The following MGAT4C variants were observed in gnomAD, a reference collection of about 807,000 sequenced individuals.
MGAT4C encodes the protein MGAT4 family member C.
MGAT4C carries 19 observed loss-of-function variants against 40.1 expected under a neutral mutation model. The ratio of observed to expected loss-of-function variants is 0.47; its 90% CI spans 0.33 to 0.70. The LOEUF is 0.70. MGAT4C is among the 30% of genes least tolerant of loss of function. The pLI is 0.02. For missense variants in MGAT4C, 491 were observed against 563.2 expected, an observed-to-expected ratio of 0.87 and a Z score of 1.30; for synonymous variants, 181 against 187.1, an observed-to-expected ratio of 0.97 and a Z score of 0.27.
At chr12:86,422,033 T>C (rs991319908) in intron 3 of MGAT4C, among the ~76,000 whole-genome samples, 4 of 152,172 alleles carry the variant, frequency 2.6e-5, no homozygotes, top group Non-Finnish European at 2.9e-5. Flanking sequence ...TTACAAAATA[T>C]GTTTTCCTTG....
At chr12:86,681,082 T>C (rs1476531439) in intron 2 of MGAT4C, among the ~76,000 whole-genome samples, 1 of 151,868 alleles carries the variant, frequency 6.6e-6, no homozygotes, top group African/African-American at 2.4e-5. Context: ...TCGTGGAAAA[T>C]AAAATATATA....
chr12:86,547,128 A>T (rs1215019204), intron 2 of MGAT4C, among the ~76,000 whole-genome samples: 1 of 152,054 alleles, frequency 6.6e-6, no homozygotes, highest in African/African-American at 2.4e-5. Context: ...ATTTTGCTAT[A>T]AGAATTTTCA....
intron 1 of MGAT4C, among the ~76,000 whole-genome samples, chr12:86,131,710 G>A (rs1409043081): frequency 1.3e-5 from 2 of 148,398 alleles, no homozygotes; most frequent in Non-Finnish European, 3.0e-5. Context: ...CAAGATAGTA[G>A]TATCAAAGTA....
chr12:86,738,746 A>G (rs887727421), intron 1 of MGAT4C, among the ~76,000 whole-genome samples: 1 of 151,302 alleles, frequency 6.6e-6, no homozygotes, highest in South Asian at 2.1e-4. Context: ...ATGCATTTCA[A>G]TTGTAAAAAT....
intron 1 of MGAT4C, among the ~76,000 whole-genome samples, chr12:86,833,029 T>A: frequency 6.6e-6 from 1 of 152,014 alleles, no homozygotes; most frequent in East Asian, 1.9e-4. Flanking sequence ...ATTGAGATTG[T>A]CGGATGTACA....
At chr12:86,458,552 T>C (rs1433315511) in intron 2 of MGAT4C, among the ~76,000 whole-genome samples, 1 of 152,222 alleles carries the variant, frequency 6.6e-6, no homozygotes, top group Non-Finnish European at 1.5e-5. Flanking sequence ...GGGTGCACTA[T>C]GTGTGCTAGC....
intron 2 of MGAT4C, among the ~76,000 whole-genome samples, chr12:86,487,714 G>C (rs1302875795): frequency 2.0e-5 from 3 of 152,046 alleles, no homozygotes; most frequent in African/African-American, 7.2e-5. Flanking sequence ...CACAAATAAA[G>C]CAATGAAGAA....
chr12:86,510,572 C>G (rs1958558316), intron 2 of MGAT4C, among the ~76,000 whole-genome samples: 1 of 152,142 alleles, frequency 6.6e-6, no homozygotes, highest in East Asian at 1.9e-4. Context: ...CAAGACCCAT[C>G]TGGGTGCTGT....
intron 2 of MGAT4C, among the ~76,000 whole-genome samples, chr12:86,606,652 T>G (rs1183680180): frequency 6.6e-6 from 1 of 152,104 alleles, no homozygotes; most frequent in African/African-American, 2.4e-5. Context: ...TACCTCTGAA[T>G]GCCCACCTCA....
chr12:86,182,351 A>G (rs1385601465), intron 1 of MGAT4C, among the ~76,000 whole-genome samples: 8 of 152,160 alleles, frequency 5.3e-5, no homozygotes, highest in Non-Finnish European at 1.2e-4. Flanking sequence ...GTGATTAACA[A>G]CTTTCTTAAT....
In MGAT4C at chr12:85,975,839, T is replaced by G. The variant is rs1883939281; in HGVS notation, c.*3450A>C. On this transcript the variant is annotated 3_prime_UTR_variant, in exon 5 of 5. Transcript: ENST00000611864. Reference sequence around the variant, plus strand: ...AAAGTTTAAGTGTGAGCTCTATTACTCAGTAATATGATGCCATTACTGTGT... The same window carrying G: ...AAAGTTTAAGTGTGAGCTCTATTACGCAGTAATATGATGCCATTACTGTGT... 1 of 151,006 alleles carries G rather than the reference T, an allele frequency of 6.6e-6. No individual in the cohort carries two copies. Among genetic ancestry groups the G allele is most frequent in the Admixed American group, 6.6e-5 (1 of 15,104 alleles). 9.4% of individuals were successfully genotyped at this position (151,006 alleles called of 1,614,324 possible).
At chr12:86,445,592 A>G (rs2136282501) in intron 2 of MGAT4C, among the ~76,000 whole-genome samples, 1 of 152,306 alleles carries the variant, frequency 6.6e-6, no homozygotes, top group Non-Finnish European at 1.5e-5. Context: ...TACACATTCG[A>G]TTGCTCGACA....
chr12:86,673,580 A>G (rs1006836248), intron 2 of MGAT4C, among the ~76,000 whole-genome samples: 10 of 151,994 alleles, frequency 6.6e-5, no homozygotes, highest in African/African-American at 2.4e-4. Flanking sequence ...TATGATAATA[A>G]CTAATCGCGT....
chr12:85,989,891 C>T (rs1054901093), intron 2 of MGAT4C, among the ~76,000 whole-genome samples: 1 of 152,080 alleles, frequency 6.6e-6, no homozygotes, highest in African/African-American at 2.4e-5. Flanking sequence ...GTCAAGTCCA[C>T]TGTCATCAGT....
chr12:86,108,746 T>C (rs904890887), intron 1 of MGAT4C, among the ~76,000 whole-genome samples: 1 of 152,168 alleles, frequency 6.6e-6, no homozygotes, highest in Non-Finnish European at 1.5e-5. Flanking sequence ...GGATGTTTCA[T>C]TCAAAATGCA....
chr12:86,345,846 T>C (rs1406611204), intron 3 of MGAT4C, among the ~76,000 whole-genome samples: 1 of 152,194 alleles, frequency 6.6e-6, no homozygotes. Context: ...TTCACAATGG[T>C]TGAACTAGTT....
At chr12:86,777,354 C>G (rs1951763912) in intron 1 of MGAT4C, among the ~76,000 whole-genome samples, 1 of 152,086 alleles carries the variant, frequency 6.6e-6, no homozygotes, top group Non-Finnish European at 1.5e-5. Flanking sequence ...AATTCTGTCA[C>G]CTCTGCTTGG....
At chr12:86,630,081 A>T (rs2136503680) in intron 2 of MGAT4C, among the ~76,000 whole-genome samples, 1 of 152,306 alleles carries the variant, frequency 6.6e-6, no homozygotes, top group African/African-American at 2.4e-5. Flanking sequence ...ATCACCACCA[A>T]TCCCACAGAA....
chr12:86,037,333 T>A (rs891263862), intron 2 of MGAT4C, among the ~76,000 whole-genome samples: 9 of 150,110 alleles, frequency 6.0e-5, no homozygotes, highest in African/African-American at 2.2e-4. Flanking sequence ...TTCTGCTAGC[T>A]TTTGAATTTG....
Sources: allele counts gnomAD v4.1 joint callset (sites outside exome capture counted in the v4.1 genomes callset), GRCh38; gene constraint gnomAD v4.1.1; transcripts MANE v1.5; gene names NCBI Gene and HGNC (gene_info 2026-07-23, HGNC 2026-07-21).